The following ATP2B2 variants were observed in gnomAD, a reference collection of about 807,000 sequenced individuals.
The protein encoded by ATP2B2 is plasma membrane calcium-transporting ATPase 2.
Under a neutral mutation model 120.0 loss-of-function variants are expected in ATP2B2, and 15 were observed. That is an observed-to-expected ratio of 0.12 (90% CI 0.08 to 0.19). The LOEUF (loss-of-function observed/expected upper bound fraction) is 0.19, where lower values mean the gene tolerates loss of function less well. Among genes scored for constraint, ATP2B2 ranks in the 10% least tolerant of loss-of-function variants. ATP2B2 has a pLI of 1.00. For synonymous variants in ATP2B2, 694 were observed against 700.3 expected, an observed-to-expected ratio of 0.99 and a Z score of 0.14; for missense variants, 1,045 against 1,719.8, an observed-to-expected ratio of 0.61 and a Z score of 6.94.
At chr3:10,676,379 C>T (rs1456280709) in intron 1 of ATP2B2, among the ~76,000 whole-genome samples, 1 of 152,170 alleles carries the variant, frequency 6.6e-6, no homozygotes, top group African/African-American at 2.4e-5. Flanking sequence ...AGCCTCAGAC[C>T]TTCTATGAGC....
intron 3 of ATP2B2, among the ~76,000 whole-genome samples, chr3:10,530,699 A>G (rs900674268): frequency 6.6e-6 from 1 of 152,156 alleles, no homozygotes. Flanking sequence ...TTAAAGCCCT[A>G]CTTTGTGCCA....
chr3:10,690,609 C>T (rs981969574), intron 1 of ATP2B2, among the ~76,000 whole-genome samples: 49 of 152,166 alleles, frequency 3.2e-4, no homozygotes, highest in Non-Finnish European at 1.5e-5. Context: ...GATGATTAAA[C>T]GGCATGAGGC....
At chr3:10,633,579 A>G (rs535575451) in intron 1 of ATP2B2, among the ~76,000 whole-genome samples, 1 of 152,390 alleles carries the variant, frequency 6.6e-6, no homozygotes, top group Admixed American at 6.5e-5. Context: ...ACATGGGGAT[A>G]GAAATTTTAA....
At chr3:10,573,433 C>T (rs1406627965) in intron 2 of ATP2B2, among the ~76,000 whole-genome samples, 2 of 152,194 alleles carry the variant, frequency 1.3e-5, no homozygotes, top group Non-Finnish European at 2.9e-5. Context: ...ACTTCCTGTT[C>T]ACCCCCTGCC....
In ATP2B2 at chr3:10,325,419, G is replaced by A. The variant is rs1324133174; in HGVS notation, c.*3395C>T. ...GTAAGCGAAGAGAAGAGAAGTTCCA[G>A]AAATAGATCTAAGTCTATGTAAGAC... is the stretch of plus-strand genomic sequence containing the variant. On this transcript the variant is annotated 3_prime_UTR_variant, in exon 23 of 23. Transcript: ENST00000360273. The A allele has an allele frequency of 6.6e-6, 1 of 152,234 alleles. No individual in the cohort carries two copies. The highest frequency in any genetic ancestry group is 1.5e-5 in the Non-Finnish European group (1 of 68,044). The allele number at this position is 152,234 out of a possible 1,614,324, so 9.4% of individuals were successfully genotyped here.
chr3:10,675,249 G>A (rs575381694), intron 1 of ATP2B2, among the ~76,000 whole-genome samples: 13 of 152,248 alleles, frequency 8.5e-5, no homozygotes, highest in African/African-American at 2.4e-4. Context: ...ATTCCAGAAC[G>A]CCCACTTTGT....
At position 10,420,999 on chromosome 3, in the gene ATP2B2, C is replaced by A. The variant is rs190810147; in HGVS notation, c.200-10184G>T. Among the ~76,000 whole-genome samples, 403 of 152,302 alleles carry A rather than the reference C, an allele frequency of 2.6e-3. 1 individual carries two copies. The highest frequency in any genetic ancestry group is 4.7e-3 in the Non-Finnish European group (322 of 68,032). On this transcript the variant is annotated intron_variant, in intron 2 of 22. Transcript: ENST00000360273. ...GATGAAAACTTAGTGGTCCCTGGAG[C>A]GGCGGCTTCAGCATCACCTGGGGAC...
chr3:10,350,385 T>G lies in ATP2B2; in HGVS notation c.2316+13A>C. On this transcript the variant is annotated intron_variant, in intron 15 of 22. Coordinates refer to ENST00000360273, the MANE Select transcript of ATP2B2 (RefSeq NM_001001331.4). The stretch of plus-strand genomic sequence containing the variant: ...CGCGTTCCCCTGAGGATGCTTTACG[T>G]TGGGACACGCACCTCCCCCTTCTCG... The G allele has an allele frequency of 6.2e-7, 1 of 1,614,186 alleles. No individual in the cohort carries two copies. Among genetic ancestry groups the G allele is most frequent in the Non-Finnish European group, 8.5e-7 (1 of 1,180,018 alleles).
chr3:10,559,533 GA>G lies in ATP2B2; in HGVS notation c.-414-25401del, dbSNP rs34129989. Reference sequence around the variant, plus strand: ...ATTGTGTGTCCACTAAAAAGAAAAGGAAAAAAAAAACTAGTGAATTAGACAG... The same window carrying G: ...ATTGTGTGTCCACTAAAAAGAAAAGGAAAAAAAAACTAGTGAATTAGACAG... On this transcript the variant is annotated intron_variant, in intron 2 of 21. Coordinates refer to the ATP2B2 transcript ENST00000646379. 7.1e-3 allele frequency among the ~76,000 whole-genome samples: 1,054 copies of G among 148,574 alleles called. 7 individuals carry two copies. The highest frequency in any genetic ancestry group is 0.023 in the African/African-American group (929 of 40,448).
chr3:10,562,499 G>A (rs1409471967), intron 2 of ATP2B2, among the ~76,000 whole-genome samples: 2 of 152,124 alleles, frequency 1.3e-5, no homozygotes, highest in African/African-American at 4.8e-5. Flanking sequence ...GGGAAGGAGG[G>A]AAGACTCAGT....
chr3:10,388,445 A>G (rs2061747625), intron 5 of ATP2B2, 43 bp from the exon 6 acceptor site: 1 of 1,613,830 alleles, frequency 6.2e-7, no homozygotes, highest in South Asian at 1.1e-5. Context: ...GCATGGTTGA[A>G]GCCGTCTCCC....
At chr3:10,479,454 G>A (rs1380496106) in intron 1 of ATP2B2, among the ~76,000 whole-genome samples, 1 of 151,768 alleles carries the variant, frequency 6.6e-6, no homozygotes, top group Non-Finnish European at 1.5e-5. Flanking sequence ...TTCTCTGGGA[G>A]GCCTTCTCTG....
chr3:10,627,023 A>G (rs1417667248), intron 1 of ATP2B2, among the ~76,000 whole-genome samples: 4 of 152,128 alleles, frequency 2.6e-5, no homozygotes, highest in Non-Finnish European at 5.9e-5. Flanking sequence ...CCAGACTCGG[A>G]TGAGTTGTCT....
intron 5 of ATP2B2, among the ~76,000 whole-genome samples, chr3:10,395,178 A>C (rs1256428189): frequency 6.6e-6 from 1 of 152,072 alleles, no homozygotes; most frequent in Non-Finnish European, 1.5e-5. Flanking sequence ...CTTTAGTGGA[A>C]CTCTCACGGA....
chr3:10,344,620 T>G (rs967939179), intron 18 of ATP2B2, among the ~76,000 whole-genome samples: 1 of 152,188 alleles, frequency 6.6e-6, no homozygotes, highest in Non-Finnish European at 1.5e-5. Flanking sequence ...AGACCCATTC[T>G]TGCCTCCCTG....
intron 1 of ATP2B2, among the ~76,000 whole-genome samples, chr3:10,650,164 A>C (rs558542226): frequency 3.9e-5 from 6 of 152,300 alleles, no homozygotes; most frequent in Admixed American, 3.9e-4. Flanking sequence ...CTTCCTAGAG[A>C]CTTGTTGAAT....
chr3:10,504,500 T>G (rs569385651), intron 1 of ATP2B2, among the ~76,000 whole-genome samples: 3 of 152,088 alleles, frequency 2.0e-5, no homozygotes, highest in Admixed American at 1.3e-4. Context: ...AGGCTGGGCC[T>G]CTGCATGGAG....
At chr3:10,529,250 C>T (rs969385472) in intron 3 of ATP2B2, among the ~76,000 whole-genome samples, 1 of 152,258 alleles carries the variant, frequency 6.6e-6, no homozygotes, top group Non-Finnish European at 1.5e-5. Context: ...AAACCTCTTT[C>T]TCTCACGCTT....
intron 1 of ATP2B2, among the ~76,000 whole-genome samples, chr3:10,466,352 G>A (rs138208742): frequency 6.6e-6 from 1 of 152,356 alleles, no homozygotes; most frequent in Non-Finnish European, 1.5e-5. Context: ...GCCAGGATGT[G>A]TGTGGTTGTG....
Sources: allele counts gnomAD v4.1 joint callset (sites outside exome capture counted in the v4.1 genomes callset), GRCh38; gene constraint gnomAD v4.1.1; transcripts MANE v1.5; gene names NCBI Gene and HGNC (gene_info 2026-07-23, HGNC 2026-07-21).